RNF111: variants seen among roughly 807,000 people sequenced by gnomAD.
RNF111 encodes ring finger protein 111.
Under a neutral mutation model 95.1 loss-of-function variants are expected in RNF111, and 17 were observed. That is an observed-to-expected ratio of 0.18 (90% confidence interval 0.12 to 0.27). RNF111 has a LOEUF of 0.27. Among genes scored for constraint, RNF111 ranks in the 10% least tolerant of loss-of-function variants. The probability of loss-of-function intolerance (pLI) is 1.00; values close to 1 mark genes in which losing one functional copy is unlikely to be tolerated. For missense variants in RNF111, 1,189 were observed against 1,210.4 expected (o/e 0.98, Z 0.26); for synonymous variants, 440 against 414.8 (o/e 1.06, Z -0.74).
chr15:58,996,564 G>GAGCA (rs1369898381), intron 1 of RNF111, among the ~76,000 whole-genome samples: 3 of 150,456 alleles, frequency 2.0e-5, no homozygotes, highest in Non-Finnish European at 2.9e-5. Flanking sequence ...CTGGGCAGTA[G>GAGCA]AGCAAGACTC....
chr15:59,012,992 G>T (rs561557706), intron 1 of RNF111, among the ~76,000 whole-genome samples: 1 of 152,242 alleles, frequency 6.6e-6, no homozygotes, highest in East Asian at 1.9e-4. Context: ...ACCTGCCTTG[G>T]CCTCCCAAAG....
chr15:59,077,482 C>A lies in RNF111; in HGVS notation c.1948+1267C>A, dbSNP rs565672537. 9.4e-4 allele frequency among the ~76,000 whole-genome samples: 143 copies of A among 152,150 alleles called. 1 individual carries two copies. Among genetic ancestry groups the A allele is most frequent in the Non-Finnish European group, 1.4e-3 (95 of 68,022 alleles). ...AAAACTTTTAGAAATTTTCTTTGTACACATAGATAGGTATATGTCTTACCT... is the reference window on the plus strand; with the variant it reads ...AAAACTTTTAGAAATTTTCTTTGTAAACATAGATAGGTATATGTCTTACCT... On this transcript the variant is annotated intron_variant, in intron 7 of 13. Transcript: ENST00000348370.
intron 1 of RNF111, among the ~76,000 whole-genome samples, chr15:59,029,807 T>G (rs1489007142): frequency 6.6e-6 from 1 of 152,210 alleles, no homozygotes; most frequent in African/African-American, 2.4e-5. Context: ...GTGTGCCAGT[T>G]ACATAGAGGT....
intron 6 of RNF111, among the ~76,000 whole-genome samples, chr15:59,074,524 C>A (rs2043082198): frequency 6.6e-6 from 1 of 152,206 alleles, no homozygotes; most frequent in Non-Finnish European, 1.5e-5. Flanking sequence ...CTAACCTCTG[C>A]TATCTTCAGA....
chr15:59,047,804 A>G (rs1486190283), intron 2 of RNF111, among the ~76,000 whole-genome samples: 1 of 152,236 alleles, frequency 6.6e-6, no homozygotes, highest in African/African-American at 2.4e-5. Flanking sequence ...TGAACTCCTT[A>G]GCTCGAGCAA....
At chr15:59,004,723 A>T (rs1447148140) in intron 1 of RNF111, among the ~76,000 whole-genome samples, 1 of 152,200 alleles carries the variant, frequency 6.6e-6, no homozygotes, top group African/African-American at 2.4e-5. Flanking sequence ...AGTTGCCCAA[A>T]TATACATTAT....
In RNF111 at chr15:59,060,801, A is replaced by T. The variant is rs1383854420; in HGVS notation, c.1366+2251A>T. 1.2e-3 allele frequency among the ~76,000 whole-genome samples: 183 copies of T among 147,826 alleles called. 1 individual carries two copies. The highest frequency in any genetic ancestry group is 4.5e-3 in the African/African-American group (178 of 39,424). ...TTTATGTAGCATTATTATTATTATT[A>T]TTATTATTTTTTTTTTTGTGAGACA... On this transcript the variant is annotated intron_variant, in intron 5 of 13. Transcript: ENST00000348370.
chr15:59,070,900 T>C (rs1268141960), intron 6 of RNF111, among the ~76,000 whole-genome samples: 2 of 152,202 alleles, frequency 1.3e-5, no homozygotes, highest in African/African-American at 4.8e-5. Context: ...TATTGCACAG[T>C]TGCTGTATAT....
chr15:59,065,082 TATCCTTACTC>T (rs1216359935), intron 5 of RNF111, among the ~76,000 whole-genome samples: 1 of 152,036 alleles, frequency 6.6e-6, no homozygotes, highest in Admixed American at 6.6e-5. Context: ...AGGAGCAGGG[TATCCTTACTC>T]TTGGGTACTG....
intron 4 of RNF111, 96 bp downstream of exon 4, chr15:59,055,941 T>C: frequency 1.1e-6 from 1 of 927,698 alleles, no homozygotes; most frequent in Non-Finnish European, 1.5e-6. Flanking sequence ...ACTGGTAATA[T>C]ATTATTAAAC....
intron 1 of RNF111, among the ~76,000 whole-genome samples, chr15:59,010,258 C>T (rs762799605): frequency 2.0e-4 from 30 of 152,096 alleles, no homozygotes; most frequent in South Asian, 4.2e-4. Flanking sequence ...AATTAATAAA[C>T]CCATGACATG....
intron 6 of RNF111, among the ~76,000 whole-genome samples, chr15:59,069,868 G>A (rs1243546896): frequency 3.3e-5 from 5 of 151,864 alleles, no homozygotes; most frequent in African/African-American, 7.2e-5. Context: ...TTATGTTTGA[G>A]TGCCAGATTG....
chr15:59,045,688 A>T (rs2041676357), intron 2 of RNF111, among the ~76,000 whole-genome samples: 1 of 152,214 alleles, frequency 6.6e-6, no homozygotes, highest in Non-Finnish European at 1.5e-5. Flanking sequence ...TTAGTTTTAA[A>T]TGTACTTTTA....
At chr15:59,044,657 C>T (rs749199985) in intron 2 of RNF111, among the ~76,000 whole-genome samples, 9 of 151,944 alleles carry the variant, frequency 5.9e-5, no homozygotes, top group Non-Finnish European at 1.0e-4. Context: ...ACCCACAGTC[C>T]TACCACTGTC....
intron 3 of RNF111, among the ~76,000 whole-genome samples, chr15:59,055,031 T>C (rs1374393604): frequency 6.6e-6 from 1 of 152,194 alleles, no homozygotes. Context: ...TTTAGAACAG[T>C]GTAATGCCAC....
chr15:59,063,136 A>AG (rs1282331143), intron 5 of RNF111, among the ~76,000 whole-genome samples: 1 of 152,224 alleles, frequency 6.6e-6, no homozygotes, highest in Non-Finnish European at 1.5e-5. Context: ...CTTGGCGCTT[A>AG]GCTACATGAT....
intron 2 of RNF111, among the ~76,000 whole-genome samples, chr15:59,038,963 A>C (rs1200488741): frequency 6.6e-6 from 1 of 151,960 alleles, no homozygotes; most frequent in Non-Finnish European, 1.5e-5. Context: ...TAGGGGTGCA[A>C]AATATTGATT....
At chr15:59,088,580 T>G (rs1430394432) in intron 10 of RNF111, among the ~76,000 whole-genome samples, 16 of 152,176 alleles carry the variant, frequency 1.1e-4, no homozygotes, top group African/African-American at 3.6e-4. Context: ...ATGTCAGAGA[T>G]TTATTTATAA....
intron 2 of RNF111, among the ~76,000 whole-genome samples, chr15:59,048,598 ACT>A (rs1457197883): frequency 6.7e-4 from 102 of 152,282 alleles, no homozygotes; most frequent in Admixed American, 6.5e-3. Context: ...ATTTTTTTAC[ACT>A]CATTATGTGA....
Sources: gnomAD v4.1 joint callset for allele counts (sites outside exome capture counted in the v4.1 genomes callset) on GRCh38, gnomAD v4.1.1 for gene constraint, MANE v1.5 for transcripts, NCBI Gene and HGNC (gene_info 2026-07-23, HGNC 2026-07-21) for gene names.